Variants in BORCS5 observed in about 807,000 individuals in gnomAD.
BORCS5 encodes the protein BLOC-1-related complex subunit 5.
BORCS5 carries 17 observed loss-of-function variants against 22.1 expected under a neutral mutation model. That is an observed-to-expected ratio of 0.77 (90% confidence interval 0.53 to 1.15). The LOEUF is 1.15. Ranked by LOEUF, BORCS5 falls within the 50% of genes most tolerant of loss-of-function variation. The pLI is 0.00. For synonymous variants in BORCS5, 117 were observed against 99.8 expected, an observed-to-expected ratio of 1.17 and a Z score of -1.03; for missense variants, 247 against 253.2, an observed-to-expected ratio of 0.98 and a Z score of 0.17.
intron 3 of BORCS5, among the ~76,000 whole-genome samples, chr12:12,444,008 G>A (rs1335628528): frequency 6.6e-6 from 1 of 152,146 alleles, no homozygotes; most frequent in Non-Finnish European, 1.5e-5. Flanking sequence ...ACCAGGGCTG[G>A]GAAAAGATAT....
chr12:12,359,640 G>T (rs1259102354), intron 1 of BORCS5, among the ~76,000 whole-genome samples: 1 of 150,982 alleles, frequency 6.6e-6, no homozygotes, highest in Non-Finnish European at 1.5e-5. Flanking sequence ...GGGATTACAG[G>T]CGTGAGCCAC....
chr12:12,384,244 A>G (rs1194717607), intron 2 of BORCS5, among the ~76,000 whole-genome samples: 4 of 151,172 alleles, frequency 2.6e-5, no homozygotes, highest in East Asian at 1.9e-4. Flanking sequence ...GGCCTCCCAA[A>G]GTGCTGGGAT....
chr12:12,432,602 C>T (rs960806832), intron 2 of BORCS5, among the ~76,000 whole-genome samples: 3 of 152,176 alleles, frequency 2.0e-5, no homozygotes, highest in Non-Finnish European at 4.4e-5. Context: ...TTTGTAATAG[C>T]CCCAAACTGG....
Position 12,380,965 on chromosome 12 carries a change from G to C in BORCS5, c.202+19616G>C, listed in dbSNP as rs561708448. Among the ~76,000 whole-genome samples the C allele has an allele frequency of 3.7e-4, 55 of 149,204 alleles. 3 individuals are homozygous for C. The South Asian group carries it at 8.9e-3, about 24-fold the overall frequency. On this transcript the variant is annotated intron_variant, in intron 2 of 3. Coordinates refer to ENST00000314565, the MANE Select transcript of BORCS5 (RefSeq NM_058169.6). Reference sequence around the variant, plus strand: ...AATCTCTTAATCAGATATATGATTTGCAGTATTTTCTCCCAGACTGTGACT... The same window carrying C: ...AATCTCTTAATCAGATATATGATTTCCAGTATTTTCTCCCAGACTGTGACT...
intron 2 of BORCS5, among the ~76,000 whole-genome samples, chr12:12,414,816 T>C (rs1441947151): frequency 2.4e-5 from 3 of 124,714 alleles, no homozygotes; most frequent in African/African-American, 9.6e-5. Flanking sequence ...AGGCAGAGGG[T>C]TTCCTCACTT....
chr12:12,445,690 G>A (rs1942775067), intron 3 of BORCS5, among the ~76,000 whole-genome samples: 1 of 151,118 alleles, frequency 6.6e-6, no homozygotes, highest in East Asian at 2.0e-4. Flanking sequence ...CCAGAGTGCA[G>A]TGGCACAATC....
intron 2 of BORCS5, among the ~76,000 whole-genome samples, chr12:12,367,501 G>T (rs1450821845): frequency 6.6e-6 from 1 of 152,206 alleles, no homozygotes; most frequent in Non-Finnish European, 1.5e-5. Flanking sequence ...TACTTTATGG[G>T]TTTGTATTTG....
Position 12,454,109 on chromosome 12 carries a change from T to C in BORCS5, c.361-11437T>C, listed in dbSNP as rs1191368251. Among the ~76,000 whole-genome samples, 3 of 152,352 alleles carry C rather than the reference T, an allele frequency of 2.0e-5. No individual in the cohort carries two copies. The East Asian group carries it at 5.8e-4, about 29-fold the overall frequency. On this transcript the variant is annotated intron_variant, in intron 3 of 3. Coordinates refer to ENST00000314565, the MANE Select transcript of BORCS5 (RefSeq NM_058169.6). ...GGATGGATATTTGGGTTGTGTCTAC[T>C]TTTTGCCTATTATGAATAATGCTGC...
chr12:12,459,023 G>T (rs772073726), intron 3 of BORCS5, among the ~76,000 whole-genome samples: 2 of 151,868 alleles, frequency 1.3e-5, no homozygotes, highest in Non-Finnish European at 2.9e-5. Flanking sequence ...AGCCTCCCAA[G>T]TAGCTGGGAT....
At chr12:12,400,538 TATC>T (rs138656822) in intron 2 of BORCS5, among the ~76,000 whole-genome samples, 2,013 of 150,864 alleles carry the variant, frequency 0.013, 40 homozygotes, top group African/African-American at 0.046. Flanking sequence ...CCATAGAGAT[TATC>T]AGCTGCTACC....
At chr12:12,438,633 A>C (rs1056666646) in intron 3 of BORCS5, among the ~76,000 whole-genome samples, 3 of 152,158 alleles carry the variant, frequency 2.0e-5, no homozygotes, top group African/African-American at 7.2e-5. Flanking sequence ...AATTTTACAC[A>C]TATACTGAAG....
intron 2 of BORCS5, among the ~76,000 whole-genome samples, chr12:12,386,747 G>C (rs1178512926): frequency 6.6e-6 from 1 of 151,226 alleles, no homozygotes; most frequent in East Asian, 1.9e-4. Flanking sequence ...TGGGATTACA[G>C]GTGCCAGCCA....
Position 12,465,859 on chromosome 12 carries a change from C to T in BORCS5, c.*83C>T. 8.0e-7 allele frequency: 1 copy of T among 1,249,452 alleles called. No individual in the cohort carries two copies. The highest frequency in any genetic ancestry group is 1.1e-6 in the Non-Finnish European group (1 of 901,506). The allele number at this position is 1,249,452 out of a possible 1,614,324, so 77.4% of individuals were successfully genotyped here. A position where few individuals can be genotyped will look rare whatever the true frequency, so the allele number is the denominator to read the frequency against. ...TGGAGCTAAGGTCATATCATCTGAC[C>T]AGGTCTGGAGGCTGGCGGGAGGCTC... On this transcript the variant is annotated 3_prime_UTR_variant, in exon 4 of 4. Coordinates refer to ENST00000314565, the MANE Select transcript of BORCS5 (RefSeq NM_058169.6).
chr12:12,371,732 TG>T (rs1863533316), intron 2 of BORCS5, among the ~76,000 whole-genome samples: 1 of 152,238 alleles, frequency 6.6e-6, no homozygotes, highest in Admixed American at 6.5e-5. Flanking sequence ...ACCTGCTTTT[TG>T]TGGGACGCCA....
intron 2 of BORCS5, among the ~76,000 whole-genome samples, chr12:12,422,789 G>A (rs1942169325): frequency 6.6e-6 from 1 of 151,812 alleles, no homozygotes; most frequent in Admixed American, 6.6e-5. Flanking sequence ...CTTTTTTAAT[G>A]CAGTAATCTC....
chr12:12,371,244 A>G (rs1189014934), intron 2 of BORCS5, among the ~76,000 whole-genome samples: 1 of 152,174 alleles, frequency 6.6e-6, no homozygotes. Context: ...AGATTTAGCT[A>G]GGGAATCCAT....
intron 2 of BORCS5, among the ~76,000 whole-genome samples, chr12:12,418,308 G>C (rs1294228780): frequency 6.6e-6 from 1 of 151,762 alleles, no homozygotes; most frequent in East Asian, 1.9e-4. Flanking sequence ...AAAGTGCTGA[G>C]ATTACAGGCG....
At chr12:12,388,070 C>T (rs753456140) in intron 2 of BORCS5, among the ~76,000 whole-genome samples, 5 of 151,198 alleles carry the variant, frequency 3.3e-5, no homozygotes, top group Non-Finnish European at 5.9e-5. Flanking sequence ...ATCTCATATG[C>T]GATTAGTGAG....
At chr12:12,411,175 G>A (rs968253363) in intron 2 of BORCS5, among the ~76,000 whole-genome samples, 3 of 152,152 alleles carry the variant, frequency 2.0e-5, no homozygotes, top group Non-Finnish European at 4.4e-5. Flanking sequence ...TGCAAACAGG[G>A]ACAATTTGAC....
Sources: allele counts gnomAD v4.1 joint callset (sites outside exome capture counted in the v4.1 genomes callset), GRCh38; gene constraint gnomAD v4.1.1; transcripts MANE v1.5; gene names NCBI Gene and HGNC (gene_info 2026-07-23, HGNC 2026-07-21).